IL20RB: variants seen among roughly 807,000 people sequenced by gnomAD.
IL20RB encodes the protein interleukin 20 receptor subunit beta.
IL20RB carries 21 observed loss-of-function variants against 33.3 expected under a neutral mutation model. The observed-to-expected ratio is 0.63, with a 90% confidence interval of 0.45 to 0.91. The LOEUF (loss-of-function observed/expected upper bound fraction) is 0.91, where lower values mean the gene tolerates loss of function less well. Among genes scored for constraint, IL20RB ranks in the 40% least tolerant of loss-of-function variants. The probability of loss-of-function intolerance (pLI) is 0.00; values close to 1 mark genes in which losing one functional copy is unlikely to be tolerated. For missense variants in IL20RB, 345 were observed against 384.8 expected (o/e 0.90, Z 0.86); for synonymous variants, 147 against 146.8 (o/e 1.00, Z -0.01).
chr3:136,996,832 G>A (rs1034198230), intron 6 of IL20RB, among the ~76,000 whole-genome samples: 1 of 152,098 alleles, frequency 6.6e-6, no homozygotes, highest in Admixed American at 6.5e-5. Flanking sequence ...TATGCATAAA[G>A]GCAATGGGAT....
At chr3:136,989,376 T>G in intron 3 of IL20RB, 65 bp from the exon 4 acceptor site, 1 of 1,589,006 alleles carries the variant, frequency 6.3e-7, no homozygotes, top group East Asian at 2.3e-5. Flanking sequence ...GACCCGGTCA[T>G]TGTGTTCCAG....
chr3:137,002,932 G>C (rs566592683), intron 6 of IL20RB, among the ~76,000 whole-genome samples: 1 of 152,242 alleles, frequency 6.6e-6, no homozygotes, highest in East Asian at 1.9e-4. Context: ...AATCCATCTT[G>C]AATTGATTTT....
rs145130480 is a variant in IL20RB, at chr3:136,975,845, G to A, written c.89-4621G>A. Among the ~76,000 whole-genome samples the A allele has an allele frequency of 6.8e-3, 1,039 of 152,278 alleles. 11 individuals carry two copies. Among genetic ancestry groups the A allele is most frequent in the African/African-American group, 0.024 (988 of 41,538 alleles). ...GGTTATGTATGCGGGCACTGGTGTT[G>A]GTGGTTACCAGAATGCTGATCATTG... On this transcript the variant is annotated intron_variant, in intron 1 of 6. Transcript: ENST00000329582.
At chr3:136,971,681 A>G (rs1941489377) in intron 1 of IL20RB, among the ~76,000 whole-genome samples, 2 of 152,194 alleles carry the variant, frequency 1.3e-5, no homozygotes, top group African/African-American at 4.8e-5. Context: ...TTTATGACTG[A>G]ATAAATAGTA....
chr3:136,982,185 C>T lies in IL20RB; in HGVS notation c.241C>T (p.His81Tyr), dbSNP rs778668942. The T allele has an allele frequency of 2.5e-6, 4 of 1,594,712 alleles. No homozygotes were observed. The highest frequency in any genetic ancestry group is 3.4e-6 in the Non-Finnish European group (4 of 1,164,864). The change falls in exon 3 of 7, where the codon CAC becomes TAC. Residue 81 changes from histidine to tyrosine, a missense_variant. Transcript: ENST00000329582. ...QGEYESLYTS[H>Y]IWIPSSWCSL... Reference sequence around the variant, plus strand: ...GGAGTACGAGAGCCTGTACACGAGCCACATCTGGATCCCCAGCAGCTGGTG... The same window carrying T: ...GGAGTACGAGAGCCTGTACACGAGCTACATCTGGATCCCCAGCAGCTGGTG...
chr3:136,994,946 G>A (rs1942097642), intron 5 of IL20RB, among the ~76,000 whole-genome samples: 1 of 152,186 alleles, frequency 6.6e-6, no homozygotes, highest in Non-Finnish European at 1.5e-5. Flanking sequence ...TTTTCTGACT[G>A]TTTTCTGAAC....
intron 3 of IL20RB, among the ~76,000 whole-genome samples, chr3:136,986,938 C>T (rs532356273): frequency 6.6e-6 from 1 of 151,300 alleles, no homozygotes; most frequent in South Asian, 2.1e-4. Flanking sequence ...GCTCTTAAGG[C>T]GGCGCGTCTG....
At chr3:136,972,085 T>G (rs557162719) in intron 1 of IL20RB, among the ~76,000 whole-genome samples, 1 of 152,334 alleles carries the variant, frequency 6.6e-6, no homozygotes, top group East Asian at 1.9e-4. Flanking sequence ...TCTCTGATGG[T>G]TAGTGATATT....
chr3:137,000,166 G>A (rs781342558), intron 6 of IL20RB, among the ~76,000 whole-genome samples: 11 of 152,164 alleles, frequency 7.2e-5, no homozygotes, highest in Non-Finnish European at 1.2e-4. Context: ...GCTTTAGTAA[G>A]CAGTTAGTTT....
intron 3 of IL20RB, among the ~76,000 whole-genome samples, 155 bp from the exon 4 acceptor site, chr3:136,989,286 T>C (rs1941977259): frequency 6.6e-6 from 1 of 152,196 alleles, no homozygotes; most frequent in Admixed American, 6.5e-5. Flanking sequence ...CAGGAGAGTA[T>C]TTGTGTACAT....
chr3:136,961,257 G>A (rs754943692), intron 1 of IL20RB, among the ~76,000 whole-genome samples: 5 of 152,130 alleles, frequency 3.3e-5, no homozygotes, highest in Non-Finnish European at 7.3e-5. Context: ...CTTGTCTTCA[G>A]GGAGCCTAAG....
At chr3:136,984,860 AG>A (rs1941862841) in intron 3 of IL20RB, among the ~76,000 whole-genome samples, 1 of 151,768 alleles carries the variant, frequency 6.6e-6, no homozygotes, top group African/African-American at 2.4e-5. Flanking sequence ...GATCTGGGGG[AG>A]ATTAAGGGGC....
Position 136,985,025 on chromosome 3 carries a change from T to G in IL20RB, c.406+2675T>G, listed in dbSNP as rs201390342. ...AAAGCAGGCATGGGTCACATAAAGA[T>G]AAGGGAGTGCCTACAAAACTATGTG... On this transcript the variant is annotated intron_variant, in intron 3 of 6. Transcript: ENST00000329582. Among the ~76,000 whole-genome samples, 8 of 152,122 alleles carry G rather than the reference T, an allele frequency of 5.3e-5. No homozygotes were observed. In the East Asian group the frequency reaches 1.5e-3, roughly 29 times the overall value.
At chr3:136,994,424 T>A (rs1354699362) in intron 5 of IL20RB, among the ~76,000 whole-genome samples, 1 of 152,064 alleles carries the variant, frequency 6.6e-6, no homozygotes, top group Non-Finnish European at 1.5e-5. Flanking sequence ...CTACAAAAAT[T>A]AAAAATAAAA....
intron 6 of IL20RB, among the ~76,000 whole-genome samples, chr3:136,999,694 T>C (rs1942203906): frequency 6.6e-6 from 1 of 152,202 alleles, no homozygotes; most frequent in Non-Finnish European, 1.5e-5. Context: ...CTCTTCTTTA[T>C]TCTTCAGATT....
chr3:136,969,621 G>C (rs1011715206), intron 1 of IL20RB, among the ~76,000 whole-genome samples: 1 of 150,798 alleles, frequency 6.6e-6, no homozygotes, highest in Non-Finnish European at 1.5e-5. Flanking sequence ...AGATGAACCC[G>C]GTACCTCAGA....
At chr3:136,958,284 G>GAAA in intron 1 of IL20RB, 83 bp downstream of exon 1, 3 of 808,830 alleles carry the variant, frequency 3.7e-6, no homozygotes, top group Non-Finnish European at 6.4e-6. Context: ...CAGGGCCTGG[G>GAAA]GTTGAAATAT....
intron 6 of IL20RB, among the ~76,000 whole-genome samples, chr3:137,004,032 G>A (rs991081225): frequency 3.3e-5 from 5 of 152,164 alleles, no homozygotes; most frequent in Non-Finnish European, 1.5e-5. Flanking sequence ...TGTGGTTTTT[G>A]TCTTTGGTTC....
At chr3:136,963,692 T>TGA (rs141567339) in intron 1 of IL20RB, among the ~76,000 whole-genome samples, 1 of 132,318 alleles carries the variant, frequency 7.6e-6, no homozygotes, top group South Asian at 2.4e-4. Context: ...TTTTTTTTTT[T>TGA]ATTTTTTTTT....
Sources: allele counts gnomAD v4.1 joint callset (sites outside exome capture counted in the v4.1 genomes callset), GRCh38; gene constraint gnomAD v4.1.1; transcripts MANE v1.5; gene names NCBI Gene and HGNC (gene_info 2026-07-23, HGNC 2026-07-21).